The following PCDHGB7 variants were observed in gnomAD, a reference collection of about 807,000 sequenced individuals.
PCDHGB7 encodes the protein protocadherin gamma-B7.
A neutral mutation model predicts 61.4 loss-of-function variants in PCDHGB7; 37 were observed. The ratio of observed to expected loss-of-function variants is 0.60; its 90% CI spans 0.46 to 0.79. PCDHGB7 has a LOEUF of 0.79. Ranked by LOEUF, PCDHGB7 falls within the 30% of genes least tolerant of loss-of-function variation. The pLI is 0.00. For synonymous variants in PCDHGB7, 464 were observed against 503.5 expected (o/e 0.92, Z 1.05); for missense variants, 1,166 against 1,202.5 (o/e 0.97, Z 0.45).
In PCDHGB7 at chr5:141,490,701, C is replaced by T; in HGVS notation, c.2416-4106C>T. On this transcript the variant is annotated intron_variant, in intron 1 of 3. Transcript: ENST00000398594. This position sits in a 1 kb window ranked among gnomAD's most constrained non-coding sequence, Gnocchi z 5.4. Reference sequence around the variant, plus strand: ...CAGATCCAGACACTGGGGATAATGCCCGCCTCACCTACTCCATTGTAGGAA... The same window carrying T: ...CAGATCCAGACACTGGGGATAATGCTCGCCTCACCTACTCCATTGTAGGAA... The T allele has an allele frequency of 6.2e-7, 1 of 1,614,184 alleles. No individual in the cohort carries two copies. The highest frequency in any genetic ancestry group is 8.5e-7 in the Non-Finnish European group (1 of 1,180,008).
rs553673516 is a variant in PCDHGB7, at chr5:141,476,211, T to C, written c.2416-18596T>C. The C allele has an allele frequency of 5.4e-5, 87 of 1,613,942 alleles. No individual in the cohort carries two copies. The highest frequency in any genetic ancestry group is 7.0e-5 in the Non-Finnish European group (83 of 1,180,000). ...GGTGCCTTGAACAAGGCTTCCACGG[T>C]CATTCACTATGAGATCCCGGAGGAA... On this transcript the variant is annotated intron_variant, in intron 1 of 3. Coordinates refer to ENST00000398594, the MANE Select transcript of PCDHGB7 (RefSeq NM_018927.4). The surrounding 1 kb of genome is among the most constrained non-coding windows in gnomAD (Gnocchi z 7.6).
chr5:141,468,528 G>A (rs2154569956), intron 1 of PCDHGB7: 1 of 152,056 alleles, frequency 6.6e-6, no homozygotes, highest in South Asian at 2.1e-4. Context: ...TTTTTTGCAG[G>A]TAGTTTCCTG....
rs765185360 is a variant in PCDHGB7, at chr5:141,491,451, C to T, written c.2416-3356C>T. 1.2e-6 allele frequency: 2 copies of T among 1,614,112 alleles called. No individual in the cohort carries two copies. The highest frequency in any genetic ancestry group is 1.1e-5 in the South Asian group (1 of 91,082). On this transcript the variant is annotated intron_variant, in intron 1 of 3. Coordinates refer to ENST00000398594, the MANE Select transcript of PCDHGB7 (RefSeq NM_018927.4). This position sits in a 1 kb window ranked among gnomAD's most constrained non-coding sequence, Gnocchi z 6.9. ...AGTGCTGCAGGCGCCAGGACTCACC[C>T]TCCCCGGACTTCTATAAGCAGTCCA...
chr5:141,475,297 T>C lies in PCDHGB7; in HGVS notation c.2416-19510T>C, dbSNP rs187277570. Among the ~76,000 whole-genome samples the C allele has an allele frequency of 6.5e-4, 99 of 152,360 alleles. 2 individuals are homozygous for C. Among genetic ancestry groups the C allele is most frequent in the African/African-American group, 2.3e-3 (96 of 41,586 alleles). ...TGAAAGACAGGGTAGGGAAATTTCT[T>C]ATTGCTCCCTGGTTCTTAAGAAATG... On this transcript the variant is annotated intron_variant, in intron 1 of 3. Transcript: ENST00000398594.
Position 141,487,779 on chromosome 5 carries a change from T to C in PCDHGB7, c.2416-7028T>C, listed in dbSNP as rs1269811316. On this transcript the variant is annotated intron_variant, in intron 1 of 3. Coordinates refer to ENST00000398594, the MANE Select transcript of PCDHGB7 (RefSeq NM_018927.4). This position sits in a 1 kb window ranked among gnomAD's most constrained non-coding sequence, Gnocchi z 5.0. ...GTAGACGCTGTGCTTTGTAACTGTT[T>C]CGTGAATTAACCAGAGTTGTCACAG... is the stretch of plus-strand genomic sequence containing the variant. 2.6e-6 allele frequency: 4 copies of C among 1,530,492 alleles called. No individual in the cohort carries two copies. The highest frequency in any genetic ancestry group is 2.6e-6 in the Non-Finnish European group (3 of 1,133,212). The allele number at this position is 1,530,492 out of a possible 1,614,324, so 94.8% of individuals were successfully genotyped here. A position where few individuals can be genotyped will look rare whatever the true frequency, so the allele number is the denominator to read the frequency against.
intron 1 of PCDHGB7, chr5:141,426,294 CAG>C (rs555591649): frequency 1.2e-4 from 20 of 167,070 alleles, no homozygotes; most frequent in African/African-American, 4.5e-4. Context: ...GGATGGGAAA[CAG>C]GGTGAAGCAG....
Position 141,511,348 on chromosome 5 carries a change from C to T in PCDHGB7, c.*175C>T. Reference sequence around the variant, plus strand: ...TGCCCAGTCAGCACCTACCCCTTCCCCCCCAGGGGGTTGAATATGCAAAAG... The same window carrying T: ...TGCCCAGTCAGCACCTACCCCTTCCTCCCCAGGGGGTTGAATATGCAAAAG... On this transcript the variant is annotated 3_prime_UTR_variant, in exon 4 of 4. Transcript: ENST00000398594. The T allele has an allele frequency of 7.1e-7, 1 of 1,404,104 alleles. No homozygotes were observed. The highest frequency in any genetic ancestry group is 9.5e-7 in the Non-Finnish European group (1 of 1,056,554). 87.0% of individuals were successfully genotyped at this position (1,404,104 alleles called of 1,614,324 possible). A position where few individuals can be genotyped will look rare whatever the true frequency, so the allele number is the denominator to read the frequency against.
In PCDHGB7 at chr5:141,505,598, C is replaced by T. The variant is rs532473064; in HGVS notation, c.2563+117C>T. The T allele has an allele frequency of 1.4e-3, 2,157 of 1,556,732 alleles. 3 individuals are homozygous for T. Among genetic ancestry groups the T allele is most frequent in the Non-Finnish European group, 1.8e-3 (2,025 of 1,148,246 alleles). ...ACCTGTGTAGTTTCTCCAGATCTTT[C>T]GGCAGGTCTGAAAGGACCCACAATT... On this transcript the variant is annotated intron_variant, in intron 3 of 3. Coordinates refer to ENST00000398594, the MANE Select transcript of PCDHGB7 (RefSeq NM_018927.4).
rs544291535 is a variant in PCDHGB7 at position 141,433,938 on chromosome 5, C to T, written c.2415+13664C>T. 4.6e-5 allele frequency among the ~76,000 whole-genome samples: 7 copies of T among 151,784 alleles called. No homozygotes were observed. The South Asian group carries it at 1.3e-3, about 27-fold the overall frequency. On this transcript the variant is annotated intron_variant, in intron 1 of 3. Coordinates refer to ENST00000398594, the MANE Select transcript of PCDHGB7 (RefSeq NM_018927.4). ...CCTCCAAATGAAGATTTTATAATTCCATTGTTTCTTCTACAGTTGTTAATT... is the reference window on the plus strand; with the variant it reads ...CCTCCAAATGAAGATTTTATAATTCTATTGTTTCTTCTACAGTTGTTAATT...
intron 2 of PCDHGB7, among the ~76,000 whole-genome samples, chr5:141,496,189 G>A (rs1362938002): frequency 1.3e-5 from 2 of 152,004 alleles, no homozygotes; most frequent in Admixed American, 6.6e-5. Flanking sequence ...AGCCCCAGCT[G>A]CTCATTTCAA....
At position 141,432,900 on chromosome 5, in the gene PCDHGB7, T is replaced by A. The variant is rs139221180; in HGVS notation, c.2415+12626T>A. ...GCCTTCGTCATCTTGCTGCTGGCGCTCAGGCTGCGGCGCTGGCACAAGTCA... is the reference window on the plus strand; with the variant it reads ...GCCTTCGTCATCTTGCTGCTGGCGCACAGGCTGCGGCGCTGGCACAAGTCA... On this transcript the variant is annotated intron_variant, in intron 1 of 3. Transcript: ENST00000398594. The surrounding 1 kb of genome is among the most constrained non-coding windows in gnomAD (Gnocchi z 6.0). The A allele has an allele frequency of 7.9e-5, 128 of 1,614,174 alleles. No homozygotes were observed. The highest frequency in any genetic ancestry group is 7.4e-4 in the East Asian group (33 of 44,868).
Position 141,432,667 on chromosome 5 carries a change from C to T in PCDHGB7, c.2415+12393C>T, listed in dbSNP as rs1312138743. ...CGGCGCGAGCCCTGCTGGACAGAGACGCGCTCAAGCAGAGCCTCGTAGTGG... is the reference window on the plus strand; with the variant it reads ...CGGCGCGAGCCCTGCTGGACAGAGATGCGCTCAAGCAGAGCCTCGTAGTGG... On this transcript the variant is annotated intron_variant, in intron 1 of 3. Transcript: ENST00000398594. This position sits in a 1 kb window ranked among gnomAD's most constrained non-coding sequence, Gnocchi z 6.0. The T allele has an allele frequency of 1.2e-6, 2 of 1,613,876 alleles. No individual in the cohort carries two copies. The highest frequency in any genetic ancestry group is 1.1e-5 in the South Asian group (1 of 91,066).
intron 1 of PCDHGB7, chr5:141,427,786 C>G: frequency 1.4e-6 from 2 of 1,477,082 alleles, no homozygotes; most frequent in Non-Finnish European, 1.9e-6. Flanking sequence ...GCACTGTCGT[C>G]CTACGTGTCC....
intron 1 of PCDHGB7, among the ~76,000 whole-genome samples, chr5:141,470,459 AT>A: frequency 6.6e-6 from 1 of 152,096 alleles, no homozygotes; most frequent in East Asian, 1.9e-4. Flanking sequence ...CTTGAATAGG[AT>A]TTTCTGATAT....
At chr5:141,484,050 C>T (rs1262678828) in intron 1 of PCDHGB7, among the ~76,000 whole-genome samples, 1 of 151,984 alleles carries the variant, frequency 6.6e-6, no homozygotes, top group Non-Finnish European at 1.5e-5. Flanking sequence ...CAAGAGGTCC[C>T]CTGGGGCTAA....
Position 141,490,748 on chromosome 5 carries a change from C to A in PCDHGB7, c.2416-4059C>A. 3.1e-6 allele frequency: 5 copies of A among 1,614,168 alleles called. No individual in the cohort carries two copies. Among genetic ancestry groups the A allele is most frequent in the Non-Finnish European group, 3.4e-6 (4 of 1,180,006 alleles). ...GGAAATCAGGTTCAGGGAGCCCCAGCCTCCTCCTTTGTGTATGTCAACCCA... is the reference window on the plus strand; with the variant it reads ...GGAAATCAGGTTCAGGGAGCCCCAGACTCCTCCTTTGTGTATGTCAACCCA... On this transcript the variant is annotated intron_variant, in intron 1 of 3. Transcript: ENST00000398594. This position sits in a 1 kb window ranked among gnomAD's most constrained non-coding sequence, Gnocchi z 5.4.
intron 1 of PCDHGB7, chr5:141,421,788 G>T: frequency 6.2e-7 from 1 of 1,613,800 alleles, no homozygotes; most frequent in Non-Finnish European, 8.5e-7. Flanking sequence ...GGGGCAGAAC[G>T]GATGGGGCCA....
chr5:141,499,677 T>C (rs2099793326), intron 2 of PCDHGB7, among the ~76,000 whole-genome samples: 1 of 151,690 alleles, frequency 6.6e-6, no homozygotes, highest in African/African-American at 2.4e-5. Flanking sequence ...CTCCACCATC[T>C]TTAACAGATG....
intron 1 of PCDHGB7, among the ~76,000 whole-genome samples, chr5:141,444,402 C>A (rs916833331): frequency 6.6e-6 from 1 of 151,932 alleles, no homozygotes; most frequent in Admixed American, 6.6e-5. Flanking sequence ...AACTCCCAAC[C>A]TCAGGTGATC....
Sources: allele counts gnomAD v4.1 joint callset (sites outside exome capture counted in the v4.1 genomes callset), GRCh38; gene constraint gnomAD v4.1.1; non-coding constraint Gnocchi (gnomAD v3.1); transcripts MANE v1.5; gene names NCBI Gene and HGNC (gene_info 2026-07-23, HGNC 2026-07-21).